The following ATP6V1E1 variants were observed in gnomAD, a reference collection of about 807,000 sequenced individuals.
The protein encoded by ATP6V1E1 is V-type proton ATPase subunit E 1.
ATP6V1E1 carries 21 observed loss-of-function variants against 35.2 expected under a neutral mutation model. The observed-to-expected ratio is 0.60, with a 90% CI of 0.42 to 0.86. The LOEUF is 0.86. Among genes scored for constraint, ATP6V1E1 ranks in the 40% least tolerant of loss-of-function variants. ATP6V1E1 has a pLI of 0.00. For missense variants in ATP6V1E1, 183 were observed against 272.6 expected (o/e 0.67, Z 2.32); for synonymous variants, 83 against 87.8 (o/e 0.95, Z 0.30).
intron 6 of ATP6V1E1, among the ~76,000 whole-genome samples, chr22:17,598,652 G>A (rs1407899030): frequency 6.6e-6 from 1 of 152,174 alleles, no homozygotes; most frequent in Non-Finnish European, 1.5e-5. Context: ...AAGTTTGGCT[G>A]CTGGCATGAG....
chr22:17,620,614 T>G (rs1227131233), intron 1 of ATP6V1E1, among the ~76,000 whole-genome samples: 1 of 152,066 alleles, frequency 6.6e-6, no homozygotes, highest in East Asian at 1.9e-4. Flanking sequence ...TAATTTAAAT[T>G]CAACACATTC....
intron 7 of ATP6V1E1, among the ~76,000 whole-genome samples, chr22:17,595,797 G>C (rs2057728961): frequency 6.6e-6 from 1 of 151,836 alleles, no homozygotes; most frequent in Non-Finnish European, 1.5e-5. Flanking sequence ...CTCCAGCTTG[G>C]GTGACAGAAA....
At chr22:17,622,744 T>C (rs529399209) in intron 1 of ATP6V1E1, among the ~76,000 whole-genome samples, 5 of 152,258 alleles carry the variant, frequency 3.3e-5, no homozygotes, top group Admixed American at 2.6e-4. Flanking sequence ...GGTGGGTAGA[T>C]CTCCTGAGGT....
chr22:17,609,011 C>T (rs1024749713), intron 4 of ATP6V1E1, among the ~76,000 whole-genome samples: 1 of 151,870 alleles, frequency 6.6e-6, no homozygotes, highest in African/African-American at 2.4e-5. Context: ...GGCGTGAACC[C>T]GGGAGGCAGA....
chr22:17,611,526 A>G (rs2300688), intron 4 of ATP6V1E1, among the ~76,000 whole-genome samples: 52,874 of 152,064 alleles, frequency 0.35, 9,533 homozygotes, highest in African/African-American at 0.41. Context: ...TGACACTTAC[A>G]TCTGGAGGTT....
At chr22:17,626,325 A>AAAAAAAAAAAAAAAAG (rs1555864859) in intron 1 of ATP6V1E1, among the ~76,000 whole-genome samples, 2 of 122,904 alleles carry the variant, frequency 1.6e-5, no homozygotes, top group African/African-American at 3.6e-5. Context: ...AAAAAAAAAA[A>AAAAAAAAAAAAAAAAG]AAAGAAAGAA....
intron 1 of ATP6V1E1, 53 bp downstream of exon 1, chr22:17,628,550 C>T: frequency 6.2e-7 from 1 of 1,613,082 alleles, no homozygotes. Flanking sequence ...GGGCTCCAGC[C>T]CACTCCCCGG....
At chr22:17,601,470 T>C (rs1353208356) in intron 4 of ATP6V1E1, among the ~76,000 whole-genome samples, 1 of 152,126 alleles carries the variant, frequency 6.6e-6, no homozygotes, top group Non-Finnish European at 1.5e-5. Flanking sequence ...ATGCGCGCGA[T>C]GTAACTTTGA....
intron 1 of ATP6V1E1, among the ~76,000 whole-genome samples, chr22:17,623,313 G>A (rs533669284): frequency 7.2e-5 from 11 of 152,280 alleles, no homozygotes; most frequent in Admixed American, 2.0e-4. Flanking sequence ...TTGGGAGTAT[G>A]GAGAGGGGTC....
chr22:17,606,343 A>T (rs541324499), intron 4 of ATP6V1E1, among the ~76,000 whole-genome samples: 1 of 151,140 alleles, frequency 6.6e-6, no homozygotes, highest in African/African-American at 2.4e-5. Context: ...AAATAGCAAA[A>T]TCCACTCAAA....
intron 1 of ATP6V1E1, among the ~76,000 whole-genome samples, chr22:17,626,175 C>T (rs944006098): frequency 1.3e-5 from 2 of 151,570 alleles, no homozygotes; most frequent in Admixed American, 6.6e-5. Flanking sequence ...GGCGTGGTGG[C>T]GGGCGCCTGT....
At position 17,598,211 on chromosome 22, in the gene ATP6V1E1, G is replaced by C. The variant is rs1004472259; in HGVS notation, c.513C>G (p.Ser171=). ...NDVDVQIDQE[S]YLPEDIAGGV... ...CTCCTTACATGTCTTCAGGCAGGTA[G>C]GACTCCTGGTCAATTTGGACATCAA... is the stretch of plus-strand genomic sequence containing the variant. The change falls in exon 7 of 9, where the codon TCC becomes TCG. Residue 171 remains serine, a synonymous_variant. Coordinates refer to ENST00000253413, the MANE Select transcript of ATP6V1E1 (RefSeq NM_001696.4). The C allele has an allele frequency of 1.9e-6, 3 of 1,613,282 alleles. No individual in the cohort carries two copies. Among genetic ancestry groups the C allele is most frequent in the African/African-American group, 1.3e-5 (1 of 74,898 alleles).
At chr22:17,595,166 G>C (rs2057725505) in intron 7 of ATP6V1E1, 1 of 151,958 alleles carries the variant, frequency 6.6e-6, no homozygotes, top group Admixed American at 6.6e-5. Context: ...TCCTGCGTCA[G>C]CCTCCCCAGT....
chr22:17,628,070 C>T (rs116012300), intron 1 of ATP6V1E1, among the ~76,000 whole-genome samples: 70 of 151,358 alleles, frequency 4.6e-4, no homozygotes, highest in African/African-American at 1.6e-3. Flanking sequence ...CTGCAACCTC[C>T]GCCTCCGGGT....
chr22:17,625,103 T>C (rs921447488), intron 1 of ATP6V1E1, among the ~76,000 whole-genome samples: 24 of 152,204 alleles, frequency 1.6e-4, no homozygotes, highest in African/African-American at 5.5e-4. Flanking sequence ...AAGAATATTG[T>C]ATGATTTCTT....
At chr22:17,623,235 G>C (rs2057887099) in intron 1 of ATP6V1E1, among the ~76,000 whole-genome samples, 1 of 152,072 alleles carries the variant, frequency 6.6e-6, no homozygotes, top group Non-Finnish European at 1.5e-5. Flanking sequence ...GAAATACTTG[G>C]GGTACCTAAT....
At chr22:17,612,141 G>A (rs910648132) in intron 4 of ATP6V1E1, among the ~76,000 whole-genome samples, 4 of 152,022 alleles carry the variant, frequency 2.6e-5, no homozygotes, top group African/African-American at 4.8e-5. Context: ...CTGCAAAGAT[G>A]GTAATTTCGT....
chr22:17,601,071 A>AT, intron 5 of ATP6V1E1, 21 bp downstream of exon 5: 1 of 1,598,562 alleles, frequency 6.3e-7, no homozygotes, highest in Non-Finnish European at 8.6e-7. Flanking sequence ...TATCAACAGT[A>AT]GATCTGGTCT....
In ATP6V1E1 at chr22:17,592,435, G is replaced by A. The variant is rs1173942822; in HGVS notation, c.*239C>T. On this transcript the variant is annotated 3_prime_UTR_variant, in exon 9 of 9. Transcript: ENST00000253413. ...CCCCCTCCCCTAGTGCTGCAGAACC[G>A]GCTGGACACTGTCACACTTTCAGAA... 16 of 517,046 alleles carry A rather than the reference G, an allele frequency of 3.1e-5. No homozygotes were observed. Among genetic ancestry groups the A allele is most frequent in the Middle Eastern group, 5.5e-4 (1 of 1,824 alleles). The allele number at this position is 517,046 out of a possible 1,614,324, so 32.0% of individuals were successfully genotyped here. A position where few individuals can be genotyped will look rare whatever the true frequency, so the allele number is the denominator to read the frequency against.
Sources: gnomAD v4.1 joint callset for allele counts (sites outside exome capture counted in the v4.1 genomes callset) on GRCh38, gnomAD v4.1.1 for gene constraint, MANE v1.5 for transcripts, NCBI Gene and HGNC (gene_info 2026-07-23, HGNC 2026-07-21) for gene names.